The following ERCC6 variants were observed in gnomAD, a reference collection of about 807,000 sequenced individuals.
ERCC6 encodes ERCC excision repair 6, chromatin remodeling factor.
ERCC6 carries 116 observed loss-of-function variants against 158.7 expected under a neutral mutation model. The observed-to-expected ratio is 0.73, with a 90% CI of 0.63 to 0.85. The LOEUF is 0.85. Among genes scored for constraint, ERCC6 ranks in the 40% least tolerant of loss-of-function variants. The pLI is 0.00. For synonymous variants in ERCC6, 678 were observed against 659.3 expected (o/e 1.03, Z -0.43); for missense variants, 1,698 against 1,799.4 (o/e 0.94, Z 1.02).
chr10:49,468,308 A>C (rs1850712243), intron 18 of ERCC6, among the ~76,000 whole-genome samples: 3 of 152,218 alleles, frequency 2.0e-5, no homozygotes, highest in Admixed American at 2.0e-4. Context: ...CCTGATGCTC[A>C]GCTCTGCCTT....
intron 7 of ERCC6, among the ~76,000 whole-genome samples, chr10:49,499,515 G>T (rs2132573638): frequency 6.6e-6 from 1 of 151,668 alleles, no homozygotes; most frequent in Non-Finnish European, 1.5e-5. Context: ...TACTGTAAAG[G>T]TTATCTCCAA....
chr10:49,447,188 GAAC>G, the ERCC6 span, among the ~76,000 whole-genome samples: 1 of 152,034 alleles, frequency 6.6e-6, no homozygotes, highest in African/African-American at 2.4e-5. Flanking sequence ...ATCCACAAAG[GAAC>G]AACTTTTAAA....
At chr10:49,515,597 AT>A (rs1437962323) in intron 5 of ERCC6, 1 of 1,613,846 alleles carries the variant, frequency 6.2e-7, no homozygotes, top group East Asian at 2.2e-5. Flanking sequence ...CTGGTTTCTC[AT>A]CATATGTTTT....
Position 49,458,858 on chromosome 10 carries a change from G to A in ERCC6, c.4439C>T (p.Ser1480Phe). Residue 1480 changes from serine (S) to phenylalanine (F), a missense_variant, in exon 21 of 21, where the codon TCT becomes TTT. Coordinates refer to ENST00000355832, the MANE Select transcript of ERCC6 (RefSeq NM_000124.4). ...GAGTTTCCAAATTCCTTCACCACCA[G>A]AAGTTCTATGGAAAGTGCACAGATT... Reference protein sequence around the residue: ...LRNLCTFHRTSGGEGIWKLKP... With the variant: ...LRNLCTFHRTFGGEGIWKLKP... 1 of 1,614,168 alleles carries A rather than the reference G, an allele frequency of 6.2e-7. No homozygotes were observed. The highest frequency in any genetic ancestry group is 8.5e-7 in the Non-Finnish European group (1 of 1,180,020).
rs1850921142 is a variant in ERCC6 at position 49,478,614 on chromosome 10, G to T, written c.2170-144C>A. On this transcript the variant is annotated intron_variant, in intron 10 of 20. Transcript: ENST00000355832. ...AGTCAGTGGGAAATGATTGCAAAAT[G>T]GTTTGAAAAAGCTAGCATAAGTTCC... 4.3e-6 allele frequency: 3 copies of T among 705,260 alleles called. No individual in the cohort carries two copies. The Admixed American group carries it at 6.3e-5, about 15-fold the overall frequency. The allele number at this position is 705,260 out of a possible 1,614,324, so 43.7% of individuals were successfully genotyped here.
At chr10:49,481,695 C>T (rs1256355952) in intron 10 of ERCC6, among the ~76,000 whole-genome samples, 1 of 152,216 alleles carries the variant, frequency 6.6e-6, no homozygotes, top group Non-Finnish European at 1.5e-5. Context: ...CACCCCATTC[C>T]ATCAGGCACC....
intron 20 of ERCC6, 89 bp downstream of exon 20, chr10:49,460,284 T>C (rs1343575995): frequency 1.2e-5 from 11 of 921,712 alleles, no homozygotes; most frequent in Non-Finnish European, 2.0e-5. Flanking sequence ...GAGATGACCA[T>C]TTTCTTCACA....
the ERCC6 span, among the ~76,000 whole-genome samples, chr10:49,447,442 C>T: frequency 6.6e-6 from 1 of 152,154 alleles, no homozygotes; most frequent in Admixed American, 6.5e-5. Context: ...AATCCCAGCA[C>T]TTTGGGAGGC....
At chr10:49,525,665 G>C (rs1392266746) in intron 4 of ERCC6, among the ~76,000 whole-genome samples, 2 of 152,104 alleles carry the variant, frequency 1.3e-5, no homozygotes, top group Non-Finnish European at 2.9e-5. Flanking sequence ...CATTAAACTT[G>C]CACTGAAATA....
chr10:49,451,303 C>G (rs1383386325), downstream of ERCC6, among the ~76,000 whole-genome samples: 2 of 150,722 alleles, frequency 1.3e-5, no homozygotes, highest in Non-Finnish European at 2.9e-5. Flanking sequence ...ATGGCTTAGA[C>G]CCTCCAGTAC....
chr10:49,451,700 A>G (rs1169210990), downstream of ERCC6, among the ~76,000 whole-genome samples: 1 of 152,198 alleles, frequency 6.6e-6, no homozygotes, highest in African/African-American at 2.4e-5. Flanking sequence ...CAGGTATTTC[A>G]TAAGACATAT....
At chr10:49,521,096 C>A (rs1355061312) in intron 5 of ERCC6, among the ~76,000 whole-genome samples, 1 of 152,130 alleles carries the variant, frequency 6.6e-6, no homozygotes, top group African/African-American at 2.4e-5. Context: ...TAACAGACTG[C>A]AAATTTTTTG....
intron 4 of ERCC6, among the ~76,000 whole-genome samples, chr10:49,526,117 T>TTTTA (rs1837327240): frequency 9.2e-5 from 4 of 43,592 alleles, no homozygotes; most frequent in Non-Finnish European, 2.1e-4. Context: ...TTATATATTT[T>TTTTA]TATATATATA....
chr10:49,477,382 C>G (rs866484172), intron 11 of ERCC6, among the ~76,000 whole-genome samples: 10 of 152,092 alleles, frequency 6.6e-5, no homozygotes, highest in African/African-American at 2.4e-4. Context: ...CAGTACAGTG[C>G]CTCACCCATT....
chr10:49,537,329 C>G (rs1590500113), intron 1 of ERCC6, among the ~76,000 whole-genome samples: 1 of 119,732 alleles, frequency 8.4e-6, no homozygotes, highest in African/African-American at 3.4e-5. Flanking sequence ...GGCGACAGGG[C>G]AAGACTCCGT....
Position 49,470,523 on chromosome 10 carries a change from C to T in ERCC6, c.3437G>A (p.Ser1146Asn), listed in dbSNP as rs1211626560. Residue 1146 changes from serine (S) to asparagine (N), a missense_variant, in exon 18 of 21, where the codon AGC (serine) becomes AAC (asparagine). Transcript: ENST00000355832. ...AGAAAGACCTAACTTTTCATCAATG[C>T]TTTCATCACCAGATGGCATAGAAGT... ...GKTSMPSGDE[S>N]IDEKLGLSYK... The T allele has an allele frequency of 6.2e-6, 10 of 1,614,222 alleles. No individual in the cohort carries two copies. The highest frequency in any genetic ancestry group is 8.5e-6 in the Non-Finnish European group (10 of 1,180,032).
At chr10:49,478,537 C>A in intron 10 of ERCC6, 67 bp from the exon 11 acceptor site, 5 of 888,754 alleles carry the variant, frequency 5.6e-6, no homozygotes, top group Non-Finnish European at 9.4e-6. Flanking sequence ...TCTTACCTCT[C>A]AATTGCTTCC....
At chr10:49,535,763 G>A (rs1358007122) in intron 1 of ERCC6, among the ~76,000 whole-genome samples, 2 of 152,190 alleles carry the variant, frequency 1.3e-5, no homozygotes, top group Non-Finnish European at 2.9e-5. Context: ...AAAGGAGGAA[G>A]AGCGTCCAGT....
intron 18 of ERCC6, among the ~76,000 whole-genome samples, chr10:49,469,919 C>T (rs960545479): frequency 2.6e-5 from 4 of 152,220 alleles, no homozygotes; most frequent in African/African-American, 7.2e-5. Context: ...AGGTAGTACA[C>T]ATCGATTTAA....
Sources: allele counts gnomAD v4.1 joint callset (sites outside exome capture counted in the v4.1 genomes callset), GRCh38; gene constraint gnomAD v4.1.1; transcripts MANE v1.5; gene names NCBI Gene and HGNC (gene_info 2026-07-23, HGNC 2026-07-21).